CADM2: variants seen among roughly 807,000 people sequenced by gnomAD.
The protein encoded by CADM2 is immunoglobulin superfamily member 4D.
CADM2 carries 12 observed loss-of-function variants against 49.8 expected under a neutral mutation model. The ratio of observed to expected loss-of-function variants is 0.24; its 90% confidence interval spans 0.15 to 0.39. The LOEUF (loss-of-function observed/expected upper bound fraction) is 0.39, where lower values mean the gene tolerates loss of function less well. Ranked by LOEUF, CADM2 falls within the 10% of genes least tolerant of loss-of-function variation. The pLI is 1.00. For missense variants in CADM2, 378 were observed against 492.3 expected, an observed-to-expected ratio of 0.77 and a Z score of 2.20; for synonymous variants, 214 against 175.4, an observed-to-expected ratio of 1.22 and a Z score of -1.74.
At chr3:85,410,574 G>T (rs890405755) in intron 1 of CADM2, among the ~76,000 whole-genome samples, 3 of 152,126 alleles carry the variant, frequency 2.0e-5, no homozygotes, top group Admixed American at 1.3e-4. Context: ...CTTTAAAATA[G>T]AAAGAATTGG....
chr3:85,445,988 A>G (rs1333348169), intron 1 of CADM2, among the ~76,000 whole-genome samples: 2 of 152,144 alleles, frequency 1.3e-5, no homozygotes, highest in Admixed American at 6.5e-5. Context: ...TATTTTACAA[A>G]TATTTATCTG....
intron 3 of CADM2, among the ~76,000 whole-genome samples, chr3:85,872,212 A>G (rs1322042745): frequency 1.3e-5 from 2 of 152,192 alleles, no homozygotes; most frequent in Non-Finnish European, 2.9e-5. Context: ...AAGACTTTGA[A>G]GCAGTACATA....
intron 6 of CADM2, among the ~76,000 whole-genome samples, chr3:85,931,977 A>T (rs1336056685): frequency 2.0e-5 from 3 of 151,582 alleles, no homozygotes; most frequent in Non-Finnish European, 4.4e-5. Context: ...AAAGGTTTTA[A>T]GTAGTAAGTT....
At chr3:85,111,619 A>G (rs1463418691) in intron 1 of CADM2, among the ~76,000 whole-genome samples, 1 of 150,970 alleles carries the variant, frequency 6.6e-6, no homozygotes, top group African/African-American at 2.5e-5. Context: ...AAAGGATGGT[A>G]TAGGGTTGTG....
At chr3:85,294,460 A>G (rs1384106028) in intron 1 of CADM2, among the ~76,000 whole-genome samples, 1 of 151,974 alleles carries the variant, frequency 6.6e-6, no homozygotes, top group African/African-American at 2.4e-5. Flanking sequence ...ATATGGAACC[A>G]AAAAAGAGCC....
chr3:85,132,477 C>A (rs908150232), intron 1 of CADM2, among the ~76,000 whole-genome samples: 1 of 152,278 alleles, frequency 6.6e-6, no homozygotes, highest in South Asian at 2.1e-4. Context: ...ATTCCATTTA[C>A]AAAATCACCT....
chr3:85,132,142 GGACAT>G (rs2039250599), intron 1 of CADM2, among the ~76,000 whole-genome samples: 1 of 152,170 alleles, frequency 6.6e-6, no homozygotes, highest in Non-Finnish European at 1.5e-5. Flanking sequence ...TATTGGTTGA[GGACAT>G]GATTAAAGTT....
chr3:86,014,938 G>A (rs1406155324), intron 8 of CADM2: 14 of 1,478,840 alleles, frequency 9.5e-6, no homozygotes, highest in South Asian at 1.1e-5. Flanking sequence ...GAAAATGGAC[G>A]AAAGCGTCTT....
intron 1 of CADM2, among the ~76,000 whole-genome samples, chr3:85,265,692 C>T (rs530744232): frequency 2.0e-4 from 30 of 152,084 alleles, no homozygotes; most frequent in Middle Eastern, 3.4e-3. Flanking sequence ...CACATTCAAA[C>T]CGTAGCACTC....
At chr3:85,447,259 T>C (rs2037513205) in intron 1 of CADM2, among the ~76,000 whole-genome samples, 1 of 151,714 alleles carries the variant, frequency 6.6e-6, no homozygotes, top group South Asian at 2.1e-4. Context: ...CCAGTGGATA[T>C]ATGGAATGTG....
At chr3:85,234,335 T>G (rs72915078) in intron 1 of CADM2, among the ~76,000 whole-genome samples, 26,597 of 151,998 alleles carry the variant, frequency 0.17, 4,424 homozygotes, top group African/African-American at 0.44. Context: ...ATAGTATAGA[T>G]TTTATAGAAT....
chr3:85,859,376 A>T (rs1399198666), intron 3 of CADM2, among the ~76,000 whole-genome samples: 1 of 151,696 alleles, frequency 6.6e-6, no homozygotes, highest in Non-Finnish European at 1.5e-5. Flanking sequence ...GACTACAGGC[A>T]TGCGTCACCA....
At chr3:85,725,711 G>A (rs1263107657) in intron 1 of CADM2, among the ~76,000 whole-genome samples, 1 of 152,064 alleles carries the variant, frequency 6.6e-6, no homozygotes. Context: ...TTATACTTCA[G>A]CTTATTAATG....
intron 1 of CADM2, among the ~76,000 whole-genome samples, chr3:85,670,811 T>C (rs2065713391): frequency 6.6e-6 from 1 of 152,182 alleles, no homozygotes; most frequent in African/African-American, 2.4e-5. Flanking sequence ...ATTCATAGCA[T>C]AACAATGGAG....
chr3:86,073,630 A>C lies in CADM2; in HGVS notation c.*6847A>C, dbSNP rs1703399106. ...TGTCTGATAAATATGGAAAAATAAA[A>C]TTTGAATTTTAGTTATCTGTTGGAC... On this transcript the variant is annotated 3_prime_UTR_variant, in exon 10 of 10. Transcript: ENST00000383699. The C allele has an allele frequency of 6.6e-6, 1 of 152,022 alleles. No homozygotes were observed. The highest frequency in any genetic ancestry group is 6.6e-5 in the Admixed American group (1 of 15,246). 9.4% of individuals were successfully genotyped at this position (152,022 alleles called of 1,614,324 possible).
At chr3:85,020,596 A>G (rs1283816977) in intron 1 of CADM2, among the ~76,000 whole-genome samples, 1 of 152,210 alleles carries the variant, frequency 6.6e-6, no homozygotes, top group African/African-American at 2.4e-5. Flanking sequence ...AATACAGATA[A>G]AGCAAAACAT....
At chr3:85,853,997 A>C (rs1264094816) in intron 3 of CADM2, among the ~76,000 whole-genome samples, 1 of 152,100 alleles carries the variant, frequency 6.6e-6, no homozygotes, top group Admixed American at 6.5e-5. Context: ...CATATTAAAA[A>C]CTTTACAGCT....
intron 1 of CADM2, among the ~76,000 whole-genome samples, chr3:84,961,099 T>A (rs2030464183): frequency 6.6e-6 from 1 of 152,090 alleles, no homozygotes; most frequent in Non-Finnish European, 1.5e-5. Context: ...AATTTTTCCC[T>A]GGGTAAAAGG....
chr3:85,820,707 A>G (rs918471384), intron 3 of CADM2, among the ~76,000 whole-genome samples: 4 of 152,090 alleles, frequency 2.6e-5, no homozygotes, highest in African/African-American at 9.7e-5. Flanking sequence ...ATGATAGCCA[A>G]TTGGGTATAT....
Sources: allele counts gnomAD v4.1 joint callset (sites outside exome capture counted in the v4.1 genomes callset), GRCh38; gene constraint gnomAD v4.1.1; transcripts MANE v1.5; gene names NCBI Gene and HGNC (gene_info 2026-07-23, HGNC 2026-07-21).